Variants in COL15A1 observed in about 807,000 individuals in gnomAD.
COL15A1 encodes the protein collagen alpha-1(XV) chain.
Under a neutral mutation model 165.9 loss-of-function variants are expected in COL15A1, and 111 were observed. The ratio of observed to expected loss-of-function variants is 0.67; its 90% CI spans 0.57 to 0.78. The LOEUF is 0.78. Among genes scored for constraint, COL15A1 ranks in the 30% least tolerant of loss-of-function variants. The pLI is 0.00. For synonymous variants in COL15A1, 659 were observed against 674.8 expected, an observed-to-expected ratio of 0.98 and a Z score of 0.36; for missense variants, 1,745 against 1,789.7, an observed-to-expected ratio of 0.98 and a Z score of 0.45.
In COL15A1 at chr9:98,943,942, T is replaced by G; in HGVS notation, c.-120T>G. ...CCGCCGCCGCTGCCGAGCGCCGCCT[T>G]TGTTCCCTGCAGGAAGGGCGAGCGC... On this transcript the variant is annotated 5_prime_UTR_variant, in exon 1 of 42. Coordinates refer to ENST00000375001, the MANE Select transcript of COL15A1 (RefSeq NM_001855.5). 1 of 1,411,242 alleles carries G rather than the reference T, an allele frequency of 7.1e-7. No homozygotes were observed. The highest frequency in any genetic ancestry group is 9.6e-7 in the Non-Finnish European group (1 of 1,042,246). The allele number at this position is 1,411,242 out of a possible 1,614,324, so 87.4% of individuals were successfully genotyped here.
Position 98,986,055 on chromosome 9 carries a change from G to C in COL15A1, c.591G>C (p.Glu197Asp). 6.2e-7 allele frequency: 1 copy of C among 1,614,028 alleles called. No homozygotes were observed. Among genetic ancestry groups the C allele is most frequent in the Non-Finnish European group, 8.5e-7 (1 of 1,180,032 alleles). ...GGTCCTCCCAGGCTTTGGCTTTTGAGTCCAGCGCTGGAATCTTCATGGGCA... is the reference window on the plus strand; with the variant it reads ...GGTCCTCCCAGGCTTTGGCTTTTGACTCCAGCGCTGGAATCTTCATGGGCA... Reference protein sequence around the residue: ...FQRSSQALAFESSAGIFMGNA... With the variant: ...FQRSSQALAFDSSAGIFMGNA... The change falls in exon 3 of 42, where the codon GAG becomes GAC. Residue 197 changes from glutamate to aspartate, a missense_variant. Coordinates refer to ENST00000375001, the MANE Select transcript of COL15A1 (RefSeq NM_001855.5).
chr9:99,048,105 T>C, intron 28 of COL15A1, 105 bp downstream of exon 28: 1 of 746,618 alleles, frequency 1.3e-6, no homozygotes, highest in East Asian at 2.7e-5. Flanking sequence ...GGAATGTTGT[T>C]CTTCTTCCTT....
chr9:98,987,386 C>T lies in COL15A1; in HGVS notation c.723+18C>T, dbSNP rs377262976. 2.6e-5 allele frequency: 41 copies of T among 1,599,452 alleles called. No homozygotes were observed. Among genetic ancestry groups the T allele is most frequent in the Non-Finnish European group, 3.5e-5 (41 of 1,172,280 alleles). The stretch of plus-strand genomic sequence containing the variant: ...AGTCCTCGGTGAGCTCCCCTACTAT[C>T]CCACAGTGGGCCCTGCAACCCCAGC... On this transcript the variant is annotated intron_variant, in intron 4 of 41. Coordinates refer to ENST00000375001, the MANE Select transcript of COL15A1 (RefSeq NM_001855.5).
Position 99,070,426 on chromosome 9 carries a change from T to G in COL15A1, c.*540T>G, listed in dbSNP as rs1825967777. On this transcript the variant is annotated 3_prime_UTR_variant, in exon 42 of 42. Coordinates refer to ENST00000375001, the MANE Select transcript of COL15A1 (RefSeq NM_001855.5). ...TTCTGATGCTATCAGACTCTAATGT[T>G]TTTTTCCCTAAAATATTATTGCCAT... is the stretch of plus-strand genomic sequence containing the variant. 1 of 292,910 alleles carries G rather than the reference T, an allele frequency of 3.4e-6. No homozygotes were observed. The highest frequency in any genetic ancestry group is 2.8e-5 in the South Asian group (1 of 35,266). 18.1% of individuals were successfully genotyped at this position (292,910 alleles called of 1,614,324 possible).
At chr9:99,055,890 C>T (rs1238287658) in intron 34 of COL15A1, among the ~76,000 whole-genome samples, 2 of 152,216 alleles carry the variant, frequency 1.3e-5, no homozygotes, top group African/African-American at 2.4e-5. Flanking sequence ...AGGGTAGAAC[C>T]AGCAAAGCCA....
At chr9:98,956,359 G>C (rs1730149288) in intron 2 of COL15A1, among the ~76,000 whole-genome samples, 1 of 152,024 alleles carries the variant, frequency 6.6e-6, no homozygotes, top group Non-Finnish European at 1.5e-5. Flanking sequence ...AAAACAGTAT[G>C]ATCTGTGCTA....
At chr9:99,067,376 A>G (rs1047974711) in intron 40 of COL15A1, among the ~76,000 whole-genome samples, 1 of 152,162 alleles carries the variant, frequency 6.6e-6, no homozygotes, top group African/African-American at 2.4e-5. Flanking sequence ...AGAGTTATTC[A>G]TTTTTTAGTT....
intron 7 of COL15A1, among the ~76,000 whole-genome samples, chr9:99,003,129 C>T (rs1396310441): frequency 6.6e-6 from 1 of 152,214 alleles, no homozygotes; most frequent in Non-Finnish European, 1.5e-5. Flanking sequence ...TGTCTAATGC[C>T]TTCTGGATGG....
intron 10 of COL15A1, 145 bp from the exon 11 acceptor site, chr9:99,015,831 C>A: frequency 9.9e-7 from 1 of 1,009,206 alleles, no homozygotes; most frequent in Non-Finnish European, 1.5e-6. Context: ...ATGCATATTT[C>A]AGAAGGGGTG....
At chr9:98,977,724 T>TGGG (rs1838163598) in intron 2 of COL15A1, among the ~76,000 whole-genome samples, 3 of 150,344 alleles carry the variant, frequency 2.0e-5, no homozygotes, top group Non-Finnish European at 4.4e-5. Context: ...TCTAGGGGGA[T>TGGG]GGAGGGTGGG....
chr9:98,946,704 C>G (rs925838077), intron 2 of COL15A1, among the ~76,000 whole-genome samples: 1 of 152,224 alleles, frequency 6.6e-6, no homozygotes, highest in Non-Finnish European at 1.5e-5. Flanking sequence ...CTTCATAGCA[C>G]TATGAACCAG....
At chr9:99,053,651 A>C (rs1825664001) in intron 31 of COL15A1, among the ~76,000 whole-genome samples, 1 of 152,184 alleles carries the variant, frequency 6.6e-6, no homozygotes, top group African/African-American at 2.4e-5. Flanking sequence ...CATGGGCCCC[A>C]CTGCGCAGGT....
intron 41 of COL15A1, among the ~76,000 whole-genome samples, 158 bp from the exon 42 acceptor site, chr9:99,069,515 G>A (rs1825950471): frequency 6.6e-6 from 1 of 152,176 alleles, no homozygotes; most frequent in South Asian, 2.1e-4. Context: ...AATCTAGTGT[G>A]TTAAGAAAGC....
At chr9:99,049,399 G>A (rs557250765) in intron 28 of COL15A1, among the ~76,000 whole-genome samples, 23 of 152,356 alleles carry the variant, frequency 1.5e-4, no homozygotes, top group African/African-American at 5.5e-4. Context: ...CAGTTCTGCT[G>A]TAAGTTGCTG....
intron 9 of COL15A1, among the ~76,000 whole-genome samples, chr9:99,013,550 GA>G (rs77981050): frequency 0.15 from 19,614 of 134,652 alleles, 1,250 homozygotes; most frequent in East Asian, 0.24. Flanking sequence ...CTTCCTAGGA[GA>G]AAAAAAAAAA....
chr9:98,997,634 TGGCCAGAGAGG>T (rs1838571432), intron 6 of COL15A1, among the ~76,000 whole-genome samples: 1 of 152,198 alleles, frequency 6.6e-6, no homozygotes, highest in South Asian at 2.1e-4. Flanking sequence ...GAGAAACTGA[TGGCCAGAGAGG>T]GGCCAGTTAC....
At chr9:99,013,076 G>T (rs528577043) in intron 9 of COL15A1, among the ~76,000 whole-genome samples, 1 of 152,202 alleles carries the variant, frequency 6.6e-6, no homozygotes, top group East Asian at 1.9e-4. Flanking sequence ...GTGTCAAAGT[G>T]TGCTGGTTGC....
At chr9:98,956,908 G>A (rs1837784191) in intron 2 of COL15A1, among the ~76,000 whole-genome samples, 1 of 152,180 alleles carries the variant, frequency 6.6e-6, no homozygotes, top group Non-Finnish European at 1.5e-5. Context: ...TAACATTTGA[G>A]CAACACTCTA....
rs780775882 is a variant in COL15A1, at chr9:98,989,213, C to T, written c.759C>T (p.Asp253=). The stretch of plus-strand genomic sequence containing the variant: ...AGACCAGTGGGCTGCAGGAGGCAGA[C>T]GGAGTAGCTGAGATCTTAGAAGCCG... ...SGETSGLQEA[D]GVAEILEAVT... is the part of the protein sequence containing the mutation. Residue 253 remains aspartate (D), a synonymous_variant, in exon 5 of 42, where the codon GAC becomes GAT. Coordinates refer to ENST00000375001, the MANE Select transcript of COL15A1 (RefSeq NM_001855.5). 3.7e-5 allele frequency: 60 copies of T among 1,613,984 alleles called. No individual in the cohort carries two copies. In the East Asian group the frequency reaches 7.1e-4, roughly 19 times the overall value.
Sources: allele counts gnomAD v4.1 joint callset (sites outside exome capture counted in the v4.1 genomes callset), GRCh38; gene constraint gnomAD v4.1.1; transcripts MANE v1.5; gene names NCBI Gene and HGNC (gene_info 2026-07-23, HGNC 2026-07-21).